INVS: variants seen among roughly 807,000 people sequenced by gnomAD.
INVS encodes inversin, also known as inversion of embryo turning homolog.
In INVS, 86 loss-of-function variants were observed where a neutral mutation model predicts 108.8. The observed-to-expected ratio is 0.79, with a 90% CI of 0.66 to 0.95. INVS has a LOEUF of 0.95. Among genes scored for constraint, INVS ranks in the 40% least tolerant of loss-of-function variants. INVS has a pLI of 0.00. For synonymous variants in INVS, 455 were observed against 473.5 expected (o/e 0.96, Z 0.51); for missense variants, 1,169 against 1,297.4 (o/e 0.90, Z 1.52).
chr9:100,172,266 A>G (rs1050102164), intron 3 of INVS, among the ~76,000 whole-genome samples: 4 of 152,168 alleles, frequency 2.6e-5, no homozygotes, highest in Non-Finnish European at 4.4e-5. Flanking sequence ...CTGTTATTCT[A>G]TGAGCTTCTA....
In INVS at chr9:100,300,906, ATGTC is replaced by A; in HGVS notation, c.*236_*239del. On this transcript the variant is annotated 3_prime_UTR_variant, in exon 17 of 17. Transcript: ENST00000262457. Reference sequence around the variant, plus strand: ...TGCACTGAAAGGACCTGCATAGACTATGTCTGTGCAAAGTGCCTGAGTGTCTGCT... The same window carrying A: ...TGCACTGAAAGGACCTGCATAGACTATGTGCAAAGTGCCTGAGTGTCTGCT... The A allele has an allele frequency of 1.8e-6, 1 of 559,766 alleles. No homozygotes were observed. Among genetic ancestry groups the A allele is most frequent in the Non-Finnish European group, 3.2e-6 (1 of 312,340 alleles). 34.7% of individuals were successfully genotyped at this position (559,766 alleles called of 1,614,324 possible). A position where few individuals can be genotyped will look rare whatever the true frequency, so the allele number is the denominator to read the frequency against.
chr9:100,156,983 A>G (rs1404011181), intron 3 of INVS, among the ~76,000 whole-genome samples: 9 of 150,690 alleles, frequency 6.0e-5, no homozygotes, highest in Non-Finnish European at 1.5e-5. Context: ...TTCATTCATC[A>G]TTGTTTATAA....
At chr9:100,133,082 G>T (rs1163763034) in intron 3 of INVS, among the ~76,000 whole-genome samples, 1 of 152,126 alleles carries the variant, frequency 6.6e-6, no homozygotes, top group Non-Finnish European at 1.5e-5. Context: ...TCCAGCCTGG[G>T]CAACAGAGTG....
intron 12 of INVS, among the ~76,000 whole-genome samples, chr9:100,279,062 G>A (rs10989046): frequency 0.19 from 28,470 of 152,118 alleles, 3,254 homozygotes; most frequent in African/African-American, 0.33. Context: ...GGTAAATACC[G>A]TTTCTTGCTT....
chr9:100,117,517 G>A, intron 2 of INVS: 2 of 921,962 alleles, frequency 2.2e-6, no homozygotes, highest in South Asian at 2.6e-5. Context: ...CCCGTCCACG[G>A]CCGCAACCCC....
intron 3 of INVS, among the ~76,000 whole-genome samples, chr9:100,182,411 A>G (rs1299018677): frequency 6.6e-6 from 1 of 152,210 alleles, no homozygotes; most frequent in Non-Finnish European, 1.5e-5. Flanking sequence ...ACTTAAACTT[A>G]CAAGAAAAAA....
intron 12 of INVS, among the ~76,000 whole-genome samples, chr9:100,274,168 G>A (rs781575466): frequency 2.0e-5 from 3 of 151,920 alleles, no homozygotes; most frequent in Non-Finnish European, 4.4e-5. Context: ...GACCAGACTG[G>A]CCAAAATGGT....
chr9:100,297,036 TG>T lies in INVS; in HGVS notation c.2908del (p.Glu970AsnfsTer2). On this transcript the variant is annotated frameshift_variant, in exon 15 of 17. Coordinates refer to ENST00000262457, the MANE Select transcript of INVS (RefSeq NM_014425.5). LOFTEE classifies it high-confidence loss of function. Reference sequence around the variant, plus strand: ...CTCCTCCAGGTTTGGAGGAAGGAACTGGAACTAAAATTCCCCCAAACCACTG... The same window carrying T: ...CTCCTCCAGGTTTGGAGGAAGGAACTGAACTAAAATTCCCCCAAACCACTG... ...ALLLQVWRKE[L>X]ELKFPQTTAV... 1.2e-6 allele frequency: 2 copies of T among 1,613,990 alleles called. No homozygotes were observed. The highest frequency in any genetic ancestry group is 1.7e-6 in the Non-Finnish European group (2 of 1,179,984).
intron 3 of INVS, among the ~76,000 whole-genome samples, chr9:100,132,976 G>A (rs778413993): frequency 9.9e-5 from 15 of 151,980 alleles, no homozygotes; most frequent in South Asian, 2.1e-4. Flanking sequence ...GTGATGGTGC[G>A]TGCCTATAAT....
rs747620332 is a variant in INVS at position 100,292,699 on chromosome 9, C to A, written c.2442C>A (p.Ala814=). ...CTGGTTCTAGCCGCCCTGGCAGTGC[C>A]CGGGGGGAGGCGGTCCATGCTGGGC... The part of the protein sequence containing the change: ...SPAGSSRPGS[A]RGEAVHAGQN... Residue 814 remains alanine (A), a synonymous_variant, in exon 14 of 17, where the codon GCC becomes GCA. Coordinates refer to ENST00000262457, the MANE Select transcript of INVS (RefSeq NM_014425.5). 1 of 1,614,144 alleles carries A rather than the reference C, an allele frequency of 6.2e-7. No homozygotes were observed. The highest frequency in any genetic ancestry group is 8.5e-7 in the Non-Finnish European group (1 of 1,180,042).
chr9:100,300,479 G>A (rs1378430015), intron 16 of INVS, 89 bp from the exon 17 acceptor site: 25 of 922,684 alleles, frequency 2.7e-5, no homozygotes, highest in East Asian at 1.3e-4. Flanking sequence ...AGCCTAAACC[G>A]AAATCCTTCT....
chr9:100,111,351 C>T (rs765575633), intron 2 of INVS, among the ~76,000 whole-genome samples: 13 of 152,258 alleles, frequency 8.5e-5, no homozygotes, highest in Non-Finnish European at 1.6e-4. Flanking sequence ...GGTTTCTGCA[C>T]ATACCAGCCC....
chr9:100,183,274 TAAAA>T (rs1010333058), intron 3 of INVS, among the ~76,000 whole-genome samples: 2 of 151,492 alleles, frequency 1.3e-5, no homozygotes, highest in Non-Finnish European at 2.9e-5. Flanking sequence ...AAAGTATAAT[TAAAA>T]AAAGAAAAGA....
intron 3 of INVS, among the ~76,000 whole-genome samples, chr9:100,164,893 TTTC>T (rs1280222023): frequency 6.7e-6 from 1 of 148,912 alleles, no homozygotes; most frequent in African/African-American, 2.5e-5. Flanking sequence ...CTTTTGGCTT[TTTC>T]TTTTTTTTTT....
intron 11 of INVS, among the ~76,000 whole-genome samples, chr9:100,266,073 C>A (rs1832784400): frequency 6.6e-6 from 1 of 151,834 alleles, no homozygotes; most frequent in East Asian, 1.9e-4. Flanking sequence ...GAGTAAGACT[C>A]TGCCTAAAAA....
At position 100,253,276 on chromosome 9, in the gene INVS, G is replaced by A. The variant is rs1330463420; in HGVS notation, c.1464+140G>A. ...CATCTGTTAATCATGACTATTATTTGTCCATGTTCTCTTCCAGTCTTTTTC... is the reference window on the plus strand; with the variant it reads ...CATCTGTTAATCATGACTATTATTTATCCATGTTCTCTTCCAGTCTTTTTC... On this transcript the variant is annotated intron_variant, in intron 10 of 16. Transcript: ENST00000262457. 14 of 664,030 alleles carry A rather than the reference G, an allele frequency of 2.1e-5. No individual in the cohort carries two copies. In the East Asian group the frequency reaches 3.8e-4, roughly 18 times the overall value. The allele number at this position is 664,030 out of a possible 1,614,324, so 41.1% of individuals were successfully genotyped here.
chr9:100,257,547 A>G (rs1368030873), intron 10 of INVS, among the ~76,000 whole-genome samples: 1 of 152,176 alleles, frequency 6.6e-6, no homozygotes, highest in Non-Finnish European at 1.5e-5. Flanking sequence ...GGCTAGTACC[A>G]GTTGTTCCTT....
intron 3 of INVS, among the ~76,000 whole-genome samples, chr9:100,216,944 CT>C (rs1247477116): frequency 6.6e-6 from 1 of 152,180 alleles, no homozygotes; most frequent in Non-Finnish European, 1.5e-5. Context: ...CTCAGGGGGT[CT>C]TCTCACCCTT....
At chr9:100,207,299 T>C (rs895941797) in intron 3 of INVS, among the ~76,000 whole-genome samples, 1 of 152,058 alleles carries the variant, frequency 6.6e-6, no homozygotes, top group Admixed American at 6.5e-5. Flanking sequence ...TTTTTGTTTA[T>C]TTATTTATTT....
Sources: allele counts gnomAD v4.1 joint callset (sites outside exome capture counted in the v4.1 genomes callset), GRCh38; gene constraint gnomAD v4.1.1; transcripts MANE v1.5; gene names NCBI Gene and HGNC (gene_info 2026-07-23, HGNC 2026-07-21).